EYA1: variants seen among roughly 807,000 people sequenced by gnomAD.
EYA1 encodes protein phosphatase EYA1.
A neutral mutation model predicts 82.0 loss-of-function variants in EYA1; 16 were observed. That is an observed-to-expected ratio of 0.20 (90% CI 0.13 to 0.30). EYA1 has a LOEUF of 0.30. Ranked by LOEUF, EYA1 falls within the 10% of genes least tolerant of loss-of-function variation. The pLI is 1.00. For missense variants in EYA1, 633 were observed against 730.7 expected (o/e 0.87, Z 1.54); for synonymous variants, 261 against 264.4 (o/e 0.99, Z 0.12).
intron 4 of EYA1, among the ~76,000 whole-genome samples, chr8:71,331,245 TACACACAC>T (rs147776263): frequency 0.016 from 2,134 of 136,536 alleles, 57 homozygotes; most frequent in African/African-American, 0.056. Context: ...AATAAATAAA[TACACACAC>T]ACACACACAC....
At position 71,458,786 on chromosome 8, in the gene EYA1, G is replaced by A. The variant is rs184395085; in HGVS notation, c.33+76958C>T. ...CTGAGTCCAATTTTGTACACGTTGA[G>A]TTTGAAGTGCTCTTATGACATCCAA... is the stretch of plus-strand genomic sequence containing the variant. On this transcript the variant is annotated intron_variant, in intron 2 of 18. Transcript: ENST00000643681. Among the ~76,000 whole-genome samples the A allele has an allele frequency of 2.6e-5, 4 of 152,278 alleles. No individual in the cohort carries two copies. In the East Asian group the frequency reaches 7.7e-4, roughly 29 times the overall value.
chr8:71,453,992 C>T (rs992251808), intron 2 of EYA1, among the ~76,000 whole-genome samples: 7 of 152,146 alleles, frequency 4.6e-5, no homozygotes, highest in South Asian at 2.1e-4. Context: ...GATAAAGAGT[C>T]GAGACCCATC....
chr8:71,333,789 G>C (rs17712165), intron 4 of EYA1, among the ~76,000 whole-genome samples: 23,760 of 152,146 alleles, frequency 0.16, 2,145 homozygotes, highest in South Asian at 0.23. Flanking sequence ...ACATCTAAGA[G>C]AGAACGGGGG....
At chr8:71,287,976 G>A (rs987072080) in intron 9 of EYA1, among the ~76,000 whole-genome samples, 1 of 152,298 alleles carries the variant, frequency 6.6e-6, no homozygotes, top group South Asian at 2.1e-4. Flanking sequence ...AAGGAGCTAA[G>A]TGGCCTTCCC....
At chr8:71,415,544 T>C (rs938348632) in intron 2 of EYA1, among the ~76,000 whole-genome samples, 1 of 152,214 alleles carries the variant, frequency 6.6e-6, no homozygotes, top group African/African-American at 2.4e-5. Context: ...TCCTCTTAGC[T>C]ACACTACATG....
chr8:71,254,897 G>A (rs1410877562), intron 11 of EYA1, among the ~76,000 whole-genome samples: 1 of 117,598 alleles, frequency 8.5e-6, no homozygotes, highest in Non-Finnish European at 1.6e-5. Context: ...ATTCAGCACA[G>A]TTGCAGGATG....
At chr8:71,311,616 C>T (rs950512699) in intron 7 of EYA1, among the ~76,000 whole-genome samples, 1 of 152,176 alleles carries the variant, frequency 6.6e-6, no homozygotes, top group Non-Finnish European at 1.5e-5. Flanking sequence ...GCTAACACTG[C>T]GGAACAGGAA....
At chr8:71,512,632 T>C (rs1586860749) in intron 2 of EYA1, among the ~76,000 whole-genome samples, 1 of 151,928 alleles carries the variant, frequency 6.6e-6, no homozygotes, top group African/African-American at 2.4e-5. Flanking sequence ...TTATAAAAGA[T>C]ATATGAGGGA....
At chr8:71,400,657 GA>G (rs1334421900) in intron 2 of EYA1, among the ~76,000 whole-genome samples, 1 of 152,158 alleles carries the variant, frequency 6.6e-6, no homozygotes, top group African/African-American at 2.4e-5. Flanking sequence ...TGAGGCTGTG[GA>G]GCAATAGGAA....
At chr8:71,486,499 C>G (rs1323921553) in intron 2 of EYA1, among the ~76,000 whole-genome samples, 2 of 152,214 alleles carry the variant, frequency 1.3e-5, no homozygotes, top group Non-Finnish European at 2.9e-5. Flanking sequence ...CCAGTCGTGC[C>G]TCCTCTTGGG....
intron 2 of EYA1, among the ~76,000 whole-genome samples, chr8:71,474,505 T>C (rs1334866606): frequency 3.9e-5 from 6 of 152,176 alleles, no homozygotes; most frequent in Non-Finnish European, 2.9e-5. Flanking sequence ...GAGAACTATA[T>C]TATCAAGATC....
chr8:71,240,501 A>G (rs1280797385), intron 12 of EYA1, among the ~76,000 whole-genome samples: 1 of 152,120 alleles, frequency 6.6e-6, no homozygotes, highest in African/African-American at 2.4e-5. Flanking sequence ...TATGTGCAAT[A>G]GTTTCATGTG....
At chr8:71,243,069 C>A (rs575252306) in intron 12 of EYA1, among the ~76,000 whole-genome samples, 1 of 152,082 alleles carries the variant, frequency 6.6e-6, no homozygotes, top group African/African-American at 2.4e-5. Context: ...TGAGCCACTG[C>A]GCCCAGCCAA....
At chr8:71,294,608 G>A (rs1819399262) in intron 9 of EYA1, among the ~76,000 whole-genome samples, 1 of 152,188 alleles carries the variant, frequency 6.6e-6, no homozygotes, top group South Asian at 2.1e-4. Flanking sequence ...TAAATAAATG[G>A]AGAGATATTC....
At chr8:71,211,549 T>C (rs750419629) in intron 16 of EYA1, among the ~76,000 whole-genome samples, 11 of 152,172 alleles carry the variant, frequency 7.2e-5, no homozygotes, top group Admixed American at 7.2e-4. Flanking sequence ...AGCATTGCAA[T>C]TGGGGTGGTG....
At chr8:71,377,562 C>T (rs1419766435) in intron 2 of EYA1, among the ~76,000 whole-genome samples, 1 of 152,202 alleles carries the variant, frequency 6.6e-6, no homozygotes, top group Non-Finnish European at 1.5e-5. Context: ...GTCTTAATTA[C>T]AGCATTTTTA....
chr8:71,495,553 A>G (rs1027122286), intron 2 of EYA1, among the ~76,000 whole-genome samples: 2 of 152,200 alleles, frequency 1.3e-5, no homozygotes, highest in African/African-American at 4.8e-5. Context: ...TAAAGGTTGC[A>G]GTGAGCCAAG....
intron 2 of EYA1, among the ~76,000 whole-genome samples, chr8:71,415,885 C>T (rs1830827574): frequency 6.6e-6 from 1 of 152,056 alleles, no homozygotes; most frequent in African/African-American, 2.4e-5. Flanking sequence ...TTATTTAATC[C>T]CTGTAGAGAG....
intron 7 of EYA1, among the ~76,000 whole-genome samples, chr8:71,308,566 C>A (rs1820979452): frequency 6.6e-6 from 1 of 152,254 alleles, no homozygotes; most frequent in South Asian, 2.1e-4. Flanking sequence ...CTCAAAACTT[C>A]TCTTAATACA....
Sources: gnomAD v4.1 joint callset for allele counts (sites outside exome capture counted in the v4.1 genomes callset) on GRCh38, gnomAD v4.1.1 for gene constraint, MANE v1.5 for transcripts, NCBI Gene and HGNC (gene_info 2026-07-23, HGNC 2026-07-21) for gene names.